Variants in PAX3 observed in about 807,000 individuals in gnomAD.
PAX3 encodes paired box 3, also known as paired box protein Pax-3.
A neutral mutation model predicts 51.6 loss-of-function variants in PAX3; 14 were observed. The observed-to-expected ratio is 0.27, with a 90% CI of 0.18 to 0.42. The LOEUF is 0.42. PAX3 is among the 10% of genes least tolerant of loss of function. PAX3 has a pLI of 1.00. For synonymous variants in PAX3, 280 were observed against 253.4 expected (o/e 1.11, Z -1.00); for missense variants, 540 against 642.8 (o/e 0.84, Z 1.73).
intron 4 of PAX3, among the ~76,000 whole-genome samples, chr2:222,277,827 G>A (rs62186068): frequency 0.14 from 20,851 of 151,526 alleles, 1,711 homozygotes; most frequent in Non-Finnish European, 0.18. Context: ...CCAGCTACTC[G>A]GGAGGCTGAG....
intron 4 of PAX3, among the ~76,000 whole-genome samples, chr2:222,271,552 T>C (rs1390840455): frequency 3.3e-5 from 5 of 152,218 alleles, no homozygotes; most frequent in Non-Finnish European, 5.9e-5. Context: ...GGTGTAACCA[T>C]ATAATTCTTT....
At chr2:222,207,972 T>C (rs893549557) in intron 7 of PAX3, among the ~76,000 whole-genome samples, 3 of 148,482 alleles carry the variant, frequency 2.0e-5, no homozygotes, top group African/African-American at 4.9e-5. Flanking sequence ...TGTGTATATA[T>C]GTATATGTAT....
intron 4 of PAX3, chr2:222,293,582 C>G: frequency 6.3e-7 from 1 of 1,581,500 alleles, no homozygotes; most frequent in Non-Finnish European, 8.7e-7. Context: ...CCCAGGCACA[C>G]ACAGGTTAAA....
intron 4 of PAX3, among the ~76,000 whole-genome samples, chr2:222,285,604 T>C (rs1475265003): frequency 6.6e-6 from 1 of 152,260 alleles, no homozygotes; most frequent in African/African-American, 2.4e-5. Flanking sequence ...CAGCATTGAC[T>C]ATGAGAGTAC....
chr2:222,235,477 TG>T (rs1464035142), intron 4 of PAX3, among the ~76,000 whole-genome samples: 2 of 152,364 alleles, frequency 1.3e-5, no homozygotes, highest in African/African-American at 4.8e-5. Context: ...TTTGGAAGTC[TG>T]TGAGGCCTGA....
At chr2:222,293,536 T>G in intron 4 of PAX3, 1 of 1,281,106 alleles carries the variant, frequency 7.8e-7, no homozygotes, top group Non-Finnish European at 1.1e-6. Flanking sequence ...CCAGATCCCT[T>G]CAATTTGTAA....
intron 2 of PAX3, among the ~76,000 whole-genome samples, chr2:222,295,997 C>A (rs1411642704): frequency 3.9e-5 from 6 of 152,144 alleles, no homozygotes; most frequent in Non-Finnish European, 7.3e-5. Flanking sequence ...ACAGAACCAA[C>A]ATGAAAACGA....
intron 4 of PAX3, among the ~76,000 whole-genome samples, chr2:222,260,554 T>G (rs1490876254): frequency 1.3e-5 from 1 of 79,404 alleles, no homozygotes; most frequent in Non-Finnish European, 2.5e-5. Context: ...CAACACAAGT[T>G]TTTTTTTTTT....
intron 5 of PAX3, among the ~76,000 whole-genome samples, chr2:222,229,831 T>C (rs1031019104): frequency 2.0e-5 from 3 of 152,216 alleles, no homozygotes; most frequent in Non-Finnish European, 4.4e-5. Flanking sequence ...ATTACTAATA[T>C]ACTCTCCTTA....
At chr2:222,260,568 T>C (rs1189495825) in intron 4 of PAX3, among the ~76,000 whole-genome samples, 1 of 103,978 alleles carries the variant, frequency 9.6e-6, no homozygotes, top group Admixed American at 9.4e-5. Flanking sequence ...TTTTTTTGTT[T>C]TTTTTTTTTG....
At chr2:222,260,487 A>G (rs188515394) in intron 4 of PAX3, among the ~76,000 whole-genome samples, 3 of 148,924 alleles carry the variant, frequency 2.0e-5, no homozygotes, top group Non-Finnish European at 4.4e-5. Flanking sequence ...TCATTTACAC[A>G]TGTCTCTATT....
chr2:222,226,840 T>C (rs1692403799), intron 5 of PAX3, among the ~76,000 whole-genome samples: 1 of 151,800 alleles, frequency 6.6e-6, no homozygotes, highest in South Asian at 2.1e-4. Flanking sequence ...TGCGTTCTAC[T>C]AGTTTTTAAT....
intron 7 of PAX3, among the ~76,000 whole-genome samples, chr2:222,204,566 T>C (rs1483426217): frequency 6.6e-6 from 1 of 152,148 alleles, no homozygotes; most frequent in Non-Finnish European, 1.5e-5. Flanking sequence ...GGAGTACATT[T>C]TCGTGTGTGA....
intron 4 of PAX3, among the ~76,000 whole-genome samples, chr2:222,260,610 G>A (rs76741970): frequency 3.0e-5 from 1 of 33,340 alleles, no homozygotes; most frequent in Admixed American, 3.7e-4. Context: ...TTTTTTTTTT[G>A]AGGCAAAGTC....
chr2:222,212,941 A>G, intron 7 of PAX3, among the ~76,000 whole-genome samples: 1 of 151,948 alleles, frequency 6.6e-6, no homozygotes, highest in East Asian at 1.9e-4. Context: ...AATAATGCTC[A>G]TTTTTTTTCG....
intron 4 of PAX3, among the ~76,000 whole-genome samples, chr2:222,265,650 G>GGAAGGAAGGAAGGAAGGAAGGAAA (rs1694023699): frequency 7.8e-6 from 1 of 128,954 alleles, no homozygotes; most frequent in African/African-American, 2.8e-5. Flanking sequence ...AAAAAAAGAA[G>GGAAGGAAGGAAGGAAGGAAGGAAA]GAAGGAAGGA....
At position 222,200,935 on chromosome 2, in the gene PAX3, T is replaced by A; in HGVS notation, c.*473A>T. ...CATGAAATGAGCAGTTTTAAAGTTG[T>A]AGAAGTATCAGCATCGAACATCGAC... On this transcript the variant is annotated 3_prime_UTR_variant, in exon 9 of 9. Transcript: ENST00000392070. The A allele has an allele frequency of 1.8e-6, 1 of 567,330 alleles. No homozygotes were observed. Among genetic ancestry groups the A allele is most frequent in the Non-Finnish European group, 3.1e-6 (1 of 317,472 alleles). 35.1% of individuals were successfully genotyped at this position (567,330 alleles called of 1,614,324 possible).
At chr2:222,296,922 C>T in intron 2 of PAX3, 56 bp downstream of exon 2, 1 of 1,441,182 alleles carries the variant, frequency 6.9e-7, no homozygotes, top group Non-Finnish European at 9.6e-7. Flanking sequence ...GCCCGGTCTT[C>T]CCCAACACAG....
At chr2:222,229,243 T>C (rs967752125) in intron 5 of PAX3, among the ~76,000 whole-genome samples, 2 of 150,158 alleles carry the variant, frequency 1.3e-5, no homozygotes, top group South Asian at 4.2e-4. Context: ...ATCATAACAT[T>C]GATATAGTAA....
Sources: gnomAD v4.1 joint callset for allele counts (sites outside exome capture counted in the v4.1 genomes callset) on GRCh38, gnomAD v4.1.1 for gene constraint, MANE v1.5 for transcripts, NCBI Gene and HGNC (gene_info 2026-07-23, HGNC 2026-07-21) for gene names.